Variants in TTF1 observed in about 807,000 individuals in gnomAD.
TTF1 encodes transcription termination factor 1.
In TTF1, 64 loss-of-function variants were observed where a neutral mutation model predicts 80.2. That is an observed-to-expected ratio of 0.80 (90% CI 0.65 to 0.98). TTF1 has a LOEUF of 0.98. Ranked by LOEUF, TTF1 falls within the 50% of genes least tolerant of loss-of-function variation. The pLI, the probability that TTF1 is intolerant of heterozygous loss-of-function variation, is 0.00. For synonymous variants in TTF1, 372 were observed against 382.7 expected, an observed-to-expected ratio of 0.97 and a Z score of 0.33; for missense variants, 1,023 against 1,086.2, an observed-to-expected ratio of 0.94 and a Z score of 0.82.
intron 9 of TTF1, among the ~76,000 whole-genome samples, chr9:132,383,894 A>G (rs1329471006): frequency 6.6e-6 from 1 of 152,170 alleles, no homozygotes; most frequent in Non-Finnish European, 1.5e-5. Context: ...ATGTCACTAT[A>G]TGGGTAAAAT....
chr9:132,377,398 A>G (rs1436918910), intron 10 of TTF1, among the ~76,000 whole-genome samples: 1 of 62,964 alleles, frequency 1.6e-5, no homozygotes, highest in Non-Finnish European at 2.9e-5. Flanking sequence ...ATGTGGTGTG[A>G]GTGCATGTGG....
At chr9:132,382,852 G>A (rs1382932654) in intron 9 of TTF1, among the ~76,000 whole-genome samples, 1 of 151,790 alleles carries the variant, frequency 6.6e-6, no homozygotes, top group Non-Finnish European at 1.5e-5. Flanking sequence ...GATCACTTGA[G>A]GTAAGGAGTT....
chr9:132,393,226 G>A (rs1391918818), intron 5 of TTF1, among the ~76,000 whole-genome samples: 1 of 152,092 alleles, frequency 6.6e-6, no homozygotes, highest in Non-Finnish European at 1.5e-5. Flanking sequence ...CTTGAGAAAT[G>A]TAAAGTGCAT....
In TTF1 at chr9:132,401,516, T is replaced by C. The variant is rs1849761993; in HGVS notation, c.1306A>G (p.Arg436Gly). The C allele has an allele frequency of 6.2e-7, 1 of 1,614,068 alleles. No individual in the cohort carries two copies. Among genetic ancestry groups the C allele is most frequent in the Non-Finnish European group, 8.5e-7 (1 of 1,180,020 alleles). Residue 436 changes from arginine to glycine, a missense_variant, in exon 2 of 11, where the codon AGG (arginine) becomes GGG (glycine). Physicochemically the swap from Arg to Gly is moderately radical, Grantham distance 125. Coordinates refer to ENST00000334270, the MANE Select transcript of TTF1 (RefSeq NM_007344.4). ...GCCTGGGTTTTCTTTTGTCGGGGCC[T>C]AGATTTCACACCTTCTTCCATCATG... ...GAMMEEGVKS[R>G]PRQKKTQACL...
chr9:132,405,236 G>C (rs1316155444), intron 1 of TTF1, among the ~76,000 whole-genome samples: 1 of 149,710 alleles, frequency 6.7e-6, no homozygotes, highest in South Asian at 2.1e-4. Flanking sequence ...ACAGAATCTC[G>C]TTCTGTCACC....
intron 9 of TTF1, among the ~76,000 whole-genome samples, chr9:132,382,185 C>G (rs1257222981): frequency 2.0e-5 from 3 of 152,158 alleles, no homozygotes; most frequent in African/African-American, 7.2e-5. Context: ...TGAAGGCTCA[C>G]AGTGAAGGGA....
intron 8 of TTF1, among the ~76,000 whole-genome samples, chr9:132,387,155 T>C (rs947525671): frequency 2.0e-5 from 3 of 152,152 alleles, no homozygotes; most frequent in Admixed American, 2.0e-4. Context: ...GATGGAGTCT[T>C]GACATGTTGC....
intron 6 of TTF1, among the ~76,000 whole-genome samples, chr9:132,391,865 T>C (rs181117267): frequency 6.6e-6 from 1 of 152,298 alleles, no homozygotes; most frequent in African/African-American, 2.4e-5. Context: ...TACTGAAGTG[T>C]GGTAAAAACC....
Position 132,402,924 on chromosome 9 carries a change from C to T in TTF1, c.-7-96G>A, listed in dbSNP as rs371846265. 5.2e-5 allele frequency: 64 copies of T among 1,225,954 alleles called. No homozygotes were observed. The Admixed American group carries it at 1.5e-3, about 29-fold the overall frequency. The allele number at this position is 1,225,954 out of a possible 1,614,324, so 75.9% of individuals were successfully genotyped here. ...AGGCTGGAGTGCAGTGGCGCGATCT[C>T]GGCTCACTGCAAGCTCCGCCTCCTG... On this transcript the variant is annotated intron_variant, in intron 1 of 10. Coordinates refer to ENST00000334270, the MANE Select transcript of TTF1 (RefSeq NM_007344.4).
In TTF1 at chr9:132,401,984, T is replaced by C. The variant is rs1181852541; in HGVS notation, c.838A>G (p.Lys280Glu). 1 of 1,613,904 alleles carries C rather than the reference T, an allele frequency of 6.2e-7. No individual in the cohort carries two copies. Among genetic ancestry groups the C allele is most frequent in the Non-Finnish European group, 8.5e-7 (1 of 1,179,932 alleles). ...AATTCCTGGTGATTGGACTTTTTCTTCTTTTTTTTCTTAGACTTTTTTTTG... is the reference window on the plus strand; with the variant it reads ...AATTCCTGGTGATTGGACTTTTTCTCCTTTTTTTTCTTAGACTTTTTTTTG... Reference protein sequence around the residue: ...THKKKSKKKKKKKSNHQEFEA... With the variant: ...THKKKSKKKKEKKSNHQEFEA... The change falls in exon 2 of 11, where the codon AAG becomes GAG. Residue 280 changes from lysine to glutamate, a missense_variant. By Grantham distance (56) the Lys-to-Glu change is moderately conservative (BLOSUM62 1). Transcript: ENST00000334270.
At chr9:132,401,234 G>A (rs1042880741) in intron 2 of TTF1, among the ~76,000 whole-genome samples, 2 of 152,030 alleles carry the variant, frequency 1.3e-5, no homozygotes, top group African/African-American at 4.8e-5. Context: ...GCTGAGGCTG[G>A]GGAATCGCTT....
chr9:132,388,336 AC>A, intron 7 of TTF1, 108 bp from the exon 8 acceptor site: 1 of 721,274 alleles, frequency 1.4e-6, no homozygotes, highest in South Asian at 2.0e-5. Context: ...CCAACTTCTA[AC>A]TTTTCTTTTT....
At chr9:132,397,141 A>G (rs756745142) in intron 4 of TTF1, among the ~76,000 whole-genome samples, 1 of 152,182 alleles carries the variant, frequency 6.6e-6, no homozygotes, top group Non-Finnish European at 1.5e-5. Context: ...GGTCTATGCA[A>G]TTTGTGGAAA....
intron 4 of TTF1, among the ~76,000 whole-genome samples, chr9:132,397,923 T>C (rs1287638711): frequency 6.6e-6 from 1 of 151,696 alleles, no homozygotes; most frequent in Non-Finnish European, 1.5e-5. Flanking sequence ...GAGGTGGAGG[T>C]TGCAGTGAGC....
intron 1 of TTF1, among the ~76,000 whole-genome samples, chr9:132,406,243 G>A (rs576119251): frequency 3.3e-5 from 5 of 152,118 alleles, no homozygotes; most frequent in Non-Finnish European, 7.4e-5. Context: ...CTCCCGGGTG[G>A]GCGCTCCAGG....
chr9:132,396,946 G>A (rs1302482037), intron 4 of TTF1, among the ~76,000 whole-genome samples: 1 of 152,042 alleles, frequency 6.6e-6, no homozygotes, highest in Non-Finnish European at 1.5e-5. Flanking sequence ...TGGTGGCCAG[G>A]CTGGTCTTGA....
chr9:132,398,679 T>G (rs1343467577), intron 3 of TTF1, among the ~76,000 whole-genome samples: 1 of 152,132 alleles, frequency 6.6e-6, no homozygotes, highest in Admixed American at 6.5e-5. Flanking sequence ...ACTGCAACCT[T>G]GAACTCCTGG....
rs902682646 is a variant in TTF1, at chr9:132,390,883, C to T, written c.1988-52G>A. On this transcript the variant is annotated intron_variant, in intron 6 of 10. Transcript: ENST00000334270. ...AGTAGCTAGTCTATTTGCTTTCAAA[C>T]ACAATATTAAAAATGAAATGATAAA... 21 of 1,504,024 alleles carry T rather than the reference C, an allele frequency of 1.4e-5. No homozygotes were observed. The African/African-American group carries it at 2.8e-4, about 20-fold the overall frequency. The allele number at this position is 1,504,024 out of a possible 1,614,324, so 93.2% of individuals were successfully genotyped here. A position where few individuals can be genotyped will look rare whatever the true frequency, so the allele number is the denominator to read the frequency against.
Position 132,384,863 on chromosome 9 carries a change from C to T in TTF1, c.2378+1693G>A, listed in dbSNP as rs1398512961. ...TAGAGACGGAGTTGAACCATGTTGG[C>T]CAGGCTGGTCTTGAACTCCTGACCT... On this transcript the variant is annotated intron_variant, in intron 9 of 10. Transcript: ENST00000334270. This position sits in a 1 kb window ranked among gnomAD's most constrained non-coding sequence, Gnocchi z 4.1. 1.3e-5 allele frequency among the ~76,000 whole-genome samples: 2 copies of T among 152,118 alleles called. No homozygotes were observed. The highest frequency in any genetic ancestry group is 4.2e-4 in the South Asian group (2 of 4,818).
Sources: gnomAD v4.1 joint callset for allele counts (sites outside exome capture counted in the v4.1 genomes callset) on GRCh38, gnomAD v4.1.1 for gene constraint, Gnocchi (gnomAD v3.1) non-coding constraint, MANE v1.5 for transcripts, NCBI Gene and HGNC (gene_info 2026-07-23, HGNC 2026-07-21) for gene names.